The following RMDN2 variants were observed in gnomAD, a reference collection of about 807,000 sequenced individuals.
RMDN2 encodes regulator of microtubule dynamics 2, also known as regulator of microtubule dynamics protein 2.
Under a neutral mutation model 52.8 loss-of-function variants are expected in RMDN2, and 61 were observed. The ratio of observed to expected loss-of-function variants is 1.16; its 90% CI spans 0.94 to 1.43. RMDN2 has a LOEUF of 1.43. RMDN2 is among the 40% of genes most tolerant of loss of function. The pLI is 0.00. For synonymous variants in RMDN2, 180 were observed against 153.1 expected, an observed-to-expected ratio of 1.18 and a Z score of -1.30; for missense variants, 592 against 475.3, an observed-to-expected ratio of 1.25 and a Z score of -2.28.
chr2:38,005,568 A>G (rs1462496599), intron 10 of RMDN2, among the ~76,000 whole-genome samples: 1 of 151,936 alleles, frequency 6.6e-6, no homozygotes, highest in Non-Finnish European at 1.5e-5. Context: ...TTTCTTGTAA[A>G]TTTGTTTGAG....
chr2:37,989,651 A>T, intron 6 of RMDN2, 35 bp downstream of exon 6: 2 of 1,332,184 alleles, frequency 1.5e-6, no homozygotes, highest in South Asian at 2.5e-5. Flanking sequence ...TTCTTTTCAG[A>T]TCCAGACATA....
chr2:37,940,097 C>T (rs1667653371), intron 2 of RMDN2, among the ~76,000 whole-genome samples: 1 of 152,156 alleles, frequency 6.6e-6, no homozygotes, highest in South Asian at 2.1e-4. Flanking sequence ...AATCCCTCAG[C>T]ATTTGCTTGT....
intron 10 of RMDN2, among the ~76,000 whole-genome samples, chr2:38,057,888 G>A (rs1461781064): frequency 6.6e-6 from 1 of 152,188 alleles, no homozygotes; most frequent in Non-Finnish European, 1.5e-5. Context: ...CCCAGAAGCA[G>A]AAGCTGCTGC....
At position 37,974,214 on chromosome 2, in the gene RMDN2, G is replaced by A. The variant is rs77064336; in HGVS notation, c.627G>A (p.Lys209=). 1.4e-3 allele frequency: 2,324 copies of A among 1,607,006 alleles called. 43 individuals are homozygous for A. In the East Asian group the frequency reaches 0.043, roughly 30 times the overall value. ...AACTACTTCGTGACCACAAAGAAAAGGTAAGAGACATAACAATAGCACTTC... is the reference window on the plus strand; with the variant it reads ...AACTACTTCGTGACCACAAAGAAAAAGTAAGAGACATAACAATAGCACTTC... The part of the protein sequence containing the change: ...SFELLRDHKE[K]FRDEIEFMWR... Residue 209 remains lysine, a splice_region_variant and synonymous_variant, in exon 3 of 11, where the codon AAG becomes AAA. Transcript: ENST00000354545.
At chr2:37,945,056 G>A (rs1266751502) in intron 2 of RMDN2, among the ~76,000 whole-genome samples, 1 of 152,126 alleles carries the variant, frequency 6.6e-6, no homozygotes, top group African/African-American at 2.4e-5. Flanking sequence ...CAGACTCTTG[G>A]GAAACTTTAT....
chr2:37,929,062 TATG>T (rs1558431291), intron 1 of RMDN2, 197 bp from the exon 2 acceptor site: 1 of 431,584 alleles, frequency 2.3e-6, no homozygotes, highest in African/African-American at 2.0e-5. Flanking sequence ...TTTAACTTAA[TATG>T]ATAATTCTTC....
At chr2:38,018,247 T>C (rs1340559024), downstream of RMDN2, among the ~76,000 whole-genome samples, 2 of 152,204 alleles carry the variant, frequency 1.3e-5, no homozygotes, top group African/African-American at 2.4e-5. Flanking sequence ...GCTAGCAATA[T>C]TGTCATGAGA....
chr2:38,015,764 A>C (rs1039525785), intron 10 of RMDN2, among the ~76,000 whole-genome samples: 2 of 152,202 alleles, frequency 1.3e-5, no homozygotes, highest in Non-Finnish European at 2.9e-5. Context: ...GAATATCTAC[A>C]GGAAGGAGCG....
At chr2:37,967,522 C>G (rs1431961281) in intron 2 of RMDN2, among the ~76,000 whole-genome samples, 2 of 152,330 alleles carry the variant, frequency 1.3e-5, no homozygotes, top group African/African-American at 4.8e-5. Context: ...TGGCAACAGA[C>G]TTTTGGATGC....
chr2:37,977,508 G>A (rs1420822589), intron 4 of RMDN2, among the ~76,000 whole-genome samples: 7 of 151,372 alleles, frequency 4.6e-5, no homozygotes, highest in African/African-American at 1.5e-4. Flanking sequence ...GGGCGGAGAC[G>A]CGCCTCACTT....
At chr2:37,939,029 A>G (rs1171802246) in intron 2 of RMDN2, among the ~76,000 whole-genome samples, 1 of 152,176 alleles carries the variant, frequency 6.6e-6, no homozygotes, top group Non-Finnish European at 1.5e-5. Flanking sequence ...TCCTGTGAGC[A>G]TTTAGTGCTA....
chr2:37,951,142 C>G, intron 2 of RMDN2: 2 of 1,271,884 alleles, frequency 1.6e-6, no homozygotes, highest in African/African-American at 1.5e-5. Context: ...TGGTGGACAC[C>G]AAAAGGTGGA....
chr2:37,933,753 G>A (rs2124904727), intron 2 of RMDN2, among the ~76,000 whole-genome samples: 1 of 150,466 alleles, frequency 6.6e-6, no homozygotes. Flanking sequence ...GCATCAGAGG[G>A]AGACCGTGGA....
intron 4 of RMDN2, among the ~76,000 whole-genome samples, chr2:37,978,575 C>A (rs7604164): frequency 6.2e-4 from 94 of 152,142 alleles, no homozygotes; most frequent in African/African-American, 2.0e-3. Context: ...CCTGTAATCC[C>A]AGCACTTTGG....
chr2:37,979,405 G>C (rs968446826), intron 4 of RMDN2, among the ~76,000 whole-genome samples: 3 of 152,178 alleles, frequency 2.0e-5, no homozygotes, highest in African/African-American at 2.4e-5. Flanking sequence ...CAAGGCAGGG[G>C]CTCAGACCAG....
intron 2 of RMDN2, among the ~76,000 whole-genome samples, chr2:37,932,709 C>T (rs1476893917): frequency 1.3e-5 from 2 of 150,080 alleles, no homozygotes; most frequent in African/African-American, 2.4e-5. Flanking sequence ...CACCTCCCTC[C>T]CGGACGGGGC....
At chr2:38,063,187 C>T (rs183780949) in intron 10 of RMDN2, among the ~76,000 whole-genome samples, 6 of 152,198 alleles carry the variant, frequency 3.9e-5, no homozygotes, top group African/African-American at 1.2e-4. Flanking sequence ...CCTCAGGAAT[C>T]GCCACACTGA....
In RMDN2 at chr2:38,029,755, C is replaced by G. The variant is rs550742648; in HGVS notation, c.1713+25539C>G. 19 of 152,030 alleles carry G rather than the reference C, an allele frequency of 1.2e-4. No individual in the cohort carries two copies. The South Asian group carries it at 3.8e-3, about 30-fold the overall frequency. The allele number at this position is 152,030 out of a possible 1,614,324, so 9.4% of individuals were successfully genotyped here. On this transcript the variant is annotated intron_variant, in intron 10 of 10. Transcript: ENST00000234195. Reference sequence around the variant, plus strand: ...CAGGAGGTGGGGAAGCCTAGCAGATCAGGCACAAGAGATAGTGTATTAGTC... The same window carrying G: ...CAGGAGGTGGGGAAGCCTAGCAGATGAGGCACAAGAGATAGTGTATTAGTC...
chr2:38,023,643 T>C (rs1341384546), intron 10 of RMDN2, among the ~76,000 whole-genome samples: 1 of 152,140 alleles, frequency 6.6e-6, no homozygotes, highest in Non-Finnish European at 1.5e-5. Context: ...TTAACAAGAA[T>C]AGTTGATTTC....
Sources: gnomAD v4.1 joint callset for allele counts (sites outside exome capture counted in the v4.1 genomes callset) on GRCh38, gnomAD v4.1.1 for gene constraint, MANE v1.5 for transcripts, NCBI Gene and HGNC (gene_info 2026-07-23, HGNC 2026-07-21) for gene names.